The following VWA5A variants were observed in gnomAD, a reference collection of about 807,000 sequenced individuals.
The protein encoded by VWA5A is von Willebrand factor A domain-containing protein 5A.
In VWA5A, 77 loss-of-function variants were observed where a neutral mutation model predicts 84.6. That is an observed-to-expected ratio of 0.91 (90% CI 0.76 to 1.10). The LOEUF is 1.10. Among genes scored for constraint, VWA5A ranks in the 50% least tolerant of loss-of-function variants. VWA5A has a pLI of 0.00. For synonymous variants in VWA5A, 334 were observed against 350.1 expected (o/e 0.95, Z 0.51); for missense variants, 973 against 963.0 (o/e 1.01, Z -0.14).
intron 18 of VWA5A, among the ~76,000 whole-genome samples, 194 bp downstream of exon 18, chr11:124,145,557 G>A (rs1477336123): frequency 6.6e-6 from 1 of 152,150 alleles, no homozygotes; most frequent in Non-Finnish European, 1.5e-5. Context: ...GAGTAGGGAG[G>A]GAGAGGGACA....
At chr11:124,130,948 G>T (rs529662548) in intron 11 of VWA5A, among the ~76,000 whole-genome samples, 1 of 152,044 alleles carries the variant, frequency 6.6e-6, no homozygotes, top group East Asian at 1.9e-4. Flanking sequence ...TGCTTCAAAG[G>T]TAGCAGTGTA....
chr11:124,136,108 C>T (rs774941974), intron 12 of VWA5A, 21 bp from the exon 13 acceptor site: 65 of 1,610,282 alleles, frequency 4.0e-5, no homozygotes, highest in Middle Eastern at 1.6e-4. Flanking sequence ...TGTGTTTATT[C>T]TGTTCTCTTC....
chr11:124,116,442 T>C (rs1056302728), intron 1 of VWA5A, 124 bp from the exon 2 acceptor site: 2 of 152,292 alleles, frequency 1.3e-5, no homozygotes. Flanking sequence ...TCTCTTTTAC[T>C]CTAGCCACCT....
Position 124,120,148 on chromosome 11 carries a change from C to T in VWA5A, c.760+1059C>T, listed in dbSNP as rs182370180. On this transcript the variant is annotated intron_variant, in intron 7 of 18. Coordinates refer to ENST00000456829, the MANE Select transcript of VWA5A (RefSeq NM_001130142.2). ...AAACTTTTTTGTTTTGCCCTAGCTT[C>T]TTAATTTCTAAGACTAAGTTTAGCT... Among the ~76,000 whole-genome samples the T allele has an allele frequency of 5.0e-3, 762 of 152,268 alleles. 5 individuals carry two copies. Among genetic ancestry groups the T allele is most frequent in the Admixed American group, 0.011 (162 of 15,294 alleles).
chr11:124,126,671 A>T (rs1261785964), intron 11 of VWA5A, among the ~76,000 whole-genome samples: 1 of 152,040 alleles, frequency 6.6e-6, no homozygotes, highest in Non-Finnish European at 1.5e-5. Flanking sequence ...AAGCAGGAGA[A>T]TTGCTTGAAC....
chr11:124,123,117 A>G lies in VWA5A; in HGVS notation c.918A>G (p.Ile306Met), dbSNP rs1864957756. Residue 306 changes from isoleucine to methionine, a missense_variant, in exon 8 of 19, where the codon ATA becomes ATG. Transcript: ENST00000456829. ...GCCAGGATACATCTCAGCTGCGAAT[A>G]CAGGCAGCCAAGGTAAAGCTAGTTT... ...MSSQDTSQLR[I>M]QAAKETLILL... 3 of 1,611,404 alleles carry G rather than the reference A, an allele frequency of 1.9e-6. No homozygotes were observed. The East Asian group carries it at 6.7e-5, about 36-fold the overall frequency.
rs1381399209 is a variant in VWA5A at position 124,124,299 on chromosome 11, C to A, written c.1227C>A (p.Ile409=). ...TTAGTGTAATTAAAGAAGTTAGGAT[C>A]AACAGACAGAAACACAGGTAGGAAG... The part of the protein sequence containing the change: ...DTFSVIKEVR[I]NRQKHRCFSF... Residue 409 remains isoleucine, a synonymous_variant, in exon 11 of 19, where the codon ATC becomes ATA. Transcript: ENST00000456829. 13 of 1,613,830 alleles carry A rather than the reference C, an allele frequency of 8.1e-6. No individual in the cohort carries two copies. Among genetic ancestry groups the A allele is most frequent in the Non-Finnish European group, 1.1e-5 (13 of 1,179,962 alleles).
In VWA5A at chr11:124,142,437, C is replaced by G. The variant is rs368310066; in HGVS notation, c.2024-5C>G. On this transcript the variant is annotated splice_polypyrimidine_tract_variant and splice_region_variant and intron_variant, in intron 16 of 18. Coordinates refer to ENST00000456829, the MANE Select transcript of VWA5A (RefSeq NM_001130142.2). Reference sequence around the variant, plus strand: ...CTCATTCTTCTCTTTTCTTTCTCCTCAAAGGCTTTGGAGAGAATCACCTTG... The same window carrying G: ...CTCATTCTTCTCTTTTCTTTCTCCTGAAAGGCTTTGGAGAGAATCACCTTG... 13 of 1,613,826 alleles carry G rather than the reference C, an allele frequency of 8.1e-6. No homozygotes were observed. Among genetic ancestry groups the G allele is most frequent in the Non-Finnish European group, 1.1e-5 (13 of 1,179,936 alleles).
At chr11:124,131,254 A>C (rs921508850) in intron 11 of VWA5A, among the ~76,000 whole-genome samples, 4 of 152,160 alleles carry the variant, frequency 2.6e-5, no homozygotes, top group Non-Finnish European at 5.9e-5. Flanking sequence ...GATTAACGGT[A>C]ATACAGATAG....
In VWA5A at chr11:124,118,675, C is replaced by T. The variant is rs569247598; in HGVS notation, c.612C>T (p.Thr204=). 27 of 1,613,974 alleles carry T rather than the reference C, an allele frequency of 1.7e-5. No homozygotes were observed. The highest frequency in any genetic ancestry group is 1.1e-4 in the South Asian group (10 of 91,068). Reference sequence around the variant, plus strand: ...AATCCAACTGCCCCTTGAGTCCTACCGAGTACCTAGGAGAGGACAAGACTT... The same window carrying T: ...AATCCAACTGCCCCTTGAGTCCTACTGAGTACCTAGGAGAGGACAAGACTT... ...KVQSNCPLSP[T]EYLGEDKTSA... is the part of the protein sequence containing the mutation. The change falls in exon 6 of 19, where the codon ACC becomes ACT. Residue 204 remains threonine, a synonymous_variant. Transcript: ENST00000456829.
At chr11:124,117,341 A>G in intron 2 of VWA5A, 156 bp from the exon 3 acceptor site, 1 of 721,072 alleles carries the variant, frequency 1.4e-6, no homozygotes, top group Non-Finnish European at 2.4e-6. Context: ...CTTATGACTG[A>G]AATCTTTGTC....
rs1865052532 is a variant in VWA5A, at chr11:124,128,557, A to G, written c.1244+4241A>G. ...TTTTCTAATTCTGTGAAGAAAGTCA[A>G]TGGTAGCTTGATGGCAGTATGGCCA... On this transcript the variant is annotated intron_variant, in intron 11 of 18. Coordinates refer to ENST00000456829, the MANE Select transcript of VWA5A (RefSeq NM_001130142.2). Among the ~76,000 whole-genome samples, 6 of 151,870 alleles carry G rather than the reference A, an allele frequency of 4.0e-5. No individual in the cohort carries two copies. In the South Asian group the frequency reaches 1.2e-3, roughly 32 times the overall value.
chr11:124,128,198 A>G (rs1035513417), intron 11 of VWA5A, among the ~76,000 whole-genome samples: 9 of 152,322 alleles, frequency 5.9e-5, no homozygotes, highest in African/African-American at 2.2e-4. Flanking sequence ...TAAAAGGTTT[A>G]AGGAAGGGAT....
At chr11:124,119,852 T>C (rs1334777711) in intron 7 of VWA5A, among the ~76,000 whole-genome samples, 1 of 152,226 alleles carries the variant, frequency 6.6e-6, no homozygotes, top group Non-Finnish European at 1.5e-5. Flanking sequence ...GGAAAAACAT[T>C]TTAAAACACA....
At position 124,136,648 on chromosome 11, in the gene VWA5A, T is replaced by A. The variant is rs1362286065; in HGVS notation, c.1599T>A (p.Phe533Leu). Residue 533 changes from phenylalanine to leucine, a missense_variant, in exon 14 of 19, where the codon TTT (phenylalanine) becomes TTA (leucine). Phe to Leu is a conservative substitution (Grantham distance 22, BLOSUM62 0). Transcript: ENST00000456829. ...AGACTTTTGAGGATAAGGTGACATT[T>A]CCTCTACAACCCAAGCCTGATGTCA... The part of the protein sequence containing the change: ...QGKTFEDKVT[F>L]PLQPKPDVNL... 1 of 1,614,058 alleles carries A rather than the reference T, an allele frequency of 6.2e-7. No homozygotes were observed. The highest frequency in any genetic ancestry group is 1.1e-5 in the South Asian group (1 of 91,078).
intron 10 of VWA5A, 31 bp downstream of exon 10, chr11:124,123,835 A>G: frequency 6.5e-7 from 1 of 1,531,246 alleles, no homozygotes; most frequent in Non-Finnish European, 8.7e-7. Flanking sequence ...AACAGAAGAG[A>G]CAGGAAGTGT....
chr11:124,122,954 G>A lies in VWA5A; in HGVS notation c.761-6G>A, dbSNP rs552918290. The A allele has an allele frequency of 1.2e-6, 2 of 1,611,934 alleles. No individual in the cohort carries two copies. Among genetic ancestry groups the A allele is most frequent in the South Asian group, 2.2e-5 (2 of 90,750 alleles). On this transcript the variant is annotated splice_region_variant and splice_polypyrimidine_tract_variant and intron_variant, in intron 7 of 18. Coordinates refer to ENST00000456829, the MANE Select transcript of VWA5A (RefSeq NM_001130142.2). ...GTCTTACAGTGGCTTTATCCTTTCT[G>A]AACAGGTCATTTGATGGGAGATCCA...
rs146166492 is a variant in VWA5A, at chr11:124,143,105, C to G, written c.2154+533C>G. Among the ~76,000 whole-genome samples, 163 of 152,262 alleles carry G rather than the reference C, an allele frequency of 1.1e-3. 3 individuals carry two copies. Among genetic ancestry groups the G allele is most frequent in the African/African-American group, 3.8e-3 (159 of 41,552 alleles). ...CTGTCTTGAGAACCCCCAATAATAA[C>G]CTCATTATTGCTCCTCTTCATACCG... On this transcript the variant is annotated intron_variant, in intron 17 of 18. Transcript: ENST00000456829.
At chr11:124,116,225 A>G (rs1164188293) in intron 1 of VWA5A, 1 of 152,316 alleles carries the variant, frequency 6.6e-6, no homozygotes. Context: ...CTTGGTGGCC[A>G]GTCTCTACCT....
Sources: allele counts gnomAD v4.1 joint callset (sites outside exome capture counted in the v4.1 genomes callset), GRCh38; gene constraint gnomAD v4.1.1; transcripts MANE v1.5; gene names NCBI Gene and HGNC (gene_info 2026-07-23, HGNC 2026-07-21).